Variants in CADM2 observed in about 807,000 individuals in gnomAD.
CADM2 encodes the protein immunoglobulin superfamily member 4D.
In CADM2, 12 loss-of-function variants were observed where a neutral mutation model predicts 49.8. The ratio of observed to expected loss-of-function variants is 0.24; its 90% CI spans 0.15 to 0.39. The LOEUF (loss-of-function observed/expected upper bound fraction) is 0.39, where lower values mean the gene tolerates loss of function less well. Among genes scored for constraint, CADM2 ranks in the 10% least tolerant of loss-of-function variants. The pLI, the probability that CADM2 is intolerant of heterozygous loss-of-function variation, is 1.00. For missense variants in CADM2, 378 were observed against 492.3 expected (o/e 0.77, Z 2.20); for synonymous variants, 214 against 175.4 (o/e 1.22, Z -1.74).
chr3:85,015,208 CCTTA>C (rs2034200188), intron 1 of CADM2, among the ~76,000 whole-genome samples: 1 of 151,746 alleles, frequency 6.6e-6, no homozygotes, highest in African/African-American at 2.4e-5. Context: ...TTTAATATTG[CCTTA>C]CTTAAGCCAG....
chr3:85,254,160 T>C (rs972228504), intron 1 of CADM2, among the ~76,000 whole-genome samples: 5 of 152,036 alleles, frequency 3.3e-5, no homozygotes, highest in Non-Finnish European at 4.4e-5. Context: ...CAGGGTAATA[T>C]TTACTTACAT....
intron 8 of CADM2, among the ~76,000 whole-genome samples, chr3:86,043,648 T>C (rs1736248233): frequency 1.3e-5 from 2 of 152,176 alleles, no homozygotes; most frequent in Admixed American, 6.5e-5. Flanking sequence ...AGGTAATTTG[T>C]AGATTCAATG....
At chr3:85,413,138 C>CAAAAAAAAAAAAAAAAAAA (rs397973777) in intron 1 of CADM2, among the ~76,000 whole-genome samples, 2 of 17,112 alleles carry the variant, frequency 1.2e-4, no homozygotes, top group African/African-American at 3.3e-4. Flanking sequence ...GACTCCGTCT[C>CAAAAAAAAAAAAAAAAAAA]AAAAAAAAAA....
chr3:85,116,913 A>C (rs2038659348), intron 1 of CADM2, among the ~76,000 whole-genome samples: 1 of 152,184 alleles, frequency 6.6e-6, no homozygotes, highest in Non-Finnish European at 1.5e-5. Context: ...AGATAATTTT[A>C]GGACACGGGC....
At chr3:85,749,068 G>GA (rs893932558) in intron 2 of CADM2, among the ~76,000 whole-genome samples, 127 of 151,762 alleles carry the variant, frequency 8.4e-4, no homozygotes, top group Admixed American at 4.4e-3. Flanking sequence ...AAATTCATGG[G>GA]AAAAAATATG....
chr3:85,932,221 C>T (rs1720692737), intron 6 of CADM2, among the ~76,000 whole-genome samples: 1 of 151,914 alleles, frequency 6.6e-6, no homozygotes, highest in Non-Finnish European at 1.5e-5. Context: ...AACGAGGTAT[C>T]GGGTGTATGT....
At chr3:85,387,789 A>C (rs1205859830) in intron 1 of CADM2, among the ~76,000 whole-genome samples, 2 of 152,148 alleles carry the variant, frequency 1.3e-5, no homozygotes, top group African/African-American at 4.8e-5. Flanking sequence ...TACATTTCTT[A>C]GTAATTGTGA....
intron 1 of CADM2, among the ~76,000 whole-genome samples, chr3:85,560,195 A>G (rs2062058441): frequency 6.6e-6 from 1 of 152,196 alleles, no homozygotes; most frequent in Admixed American, 6.5e-5. Flanking sequence ...TTTCAAAACT[A>G]AGCTGGTGAA....
chr3:85,446,625 G>A (rs1419144561), intron 1 of CADM2, among the ~76,000 whole-genome samples: 1 of 131,280 alleles, frequency 7.6e-6, no homozygotes. Context: ...TTTTTGAGAC[G>A]GAGTTTCATT....
intron 1 of CADM2, among the ~76,000 whole-genome samples, chr3:85,243,331 C>T (rs551366730): frequency 3.2e-4 from 49 of 151,476 alleles, no homozygotes; most frequent in African/African-American, 1.1e-3. Flanking sequence ...ATCTTTTTAC[C>T]CTGATGTATT....
Position 86,054,304 on chromosome 3 carries a change from A to G in CADM2, c.971-11301A>G, listed in dbSNP as rs781735709. 1.2e-4 allele frequency among the ~76,000 whole-genome samples: 19 copies of G among 152,252 alleles called. No homozygotes were observed. In the South Asian group the frequency reaches 1.5e-3, roughly 12 times the overall value. On this transcript the variant is annotated intron_variant, in intron 8 of 9. Transcript: ENST00000383699. ...CTCATAAACATAGTTAATATAACTTATAATTATCATCAGAATAATCAATTC... is the reference window on the plus strand; with the variant it reads ...CTCATAAACATAGTTAATATAACTTGTAATTATCATCAGAATAATCAATTC...
intron 8 of CADM2, chr3:85,994,773 C>T (rs917909421): frequency 2.0e-5 from 3 of 151,990 alleles, no homozygotes; most frequent in Admixed American, 2.0e-4. Context: ...AGAACAGACA[C>T]GTTTATCAAT....
chr3:84,972,412 AT>A (rs1191741120), intron 1 of CADM2, among the ~76,000 whole-genome samples: 1 of 152,186 alleles, frequency 6.6e-6, no homozygotes, highest in African/African-American at 2.4e-5. Flanking sequence ...ATGTAAACAG[AT>A]TTTTTATTGT....
At chr3:85,904,061 T>G (rs1489253388) in intron 5 of CADM2, among the ~76,000 whole-genome samples, 1 of 152,142 alleles carries the variant, frequency 6.6e-6, no homozygotes, top group Non-Finnish European at 1.5e-5. Context: ...CTTACTTGCT[T>G]TCTTCCAAAG....
At chr3:85,181,536 C>T (rs886288969) in intron 1 of CADM2, among the ~76,000 whole-genome samples, 4 of 151,974 alleles carry the variant, frequency 2.6e-5, no homozygotes, top group African/African-American at 9.7e-5. Context: ...GAGAATCTGC[C>T]ATGTAAATTG....
At chr3:85,786,748 A>G (rs1252359871) in intron 2 of CADM2, among the ~76,000 whole-genome samples, 1 of 152,044 alleles carries the variant, frequency 6.6e-6, no homozygotes, top group Non-Finnish European at 1.5e-5. Context: ...AGAGAATGAA[A>G]TATTATGTAT....
At chr3:85,030,044 T>C (rs1474374401) in intron 1 of CADM2, among the ~76,000 whole-genome samples, 1 of 152,188 alleles carries the variant, frequency 6.6e-6, no homozygotes, top group African/African-American at 2.4e-5. Flanking sequence ...TCTCACTTCC[T>C]CTGCTCCAGT....
intron 1 of CADM2, among the ~76,000 whole-genome samples, chr3:85,287,199 G>A (rs2043654287): frequency 6.6e-6 from 1 of 151,704 alleles, no homozygotes; most frequent in African/African-American, 2.4e-5. Context: ...TGCTGTTGAT[G>A]TTATTCCTGC....
rs1348741057 is a variant in CADM2 at position 85,651,844 on chromosome 3, G to C, written c.62-74678G>C. On this transcript the variant is annotated intron_variant, in intron 1 of 9. Coordinates refer to ENST00000383699, the MANE Select transcript of CADM2 (RefSeq NM_001167675.2). ...TTTCTTTTTTTTTTTTTGAGACAGA[G>C]TCACGCTCTGTCACCCAGACTGGAG... Among the ~76,000 whole-genome samples, 10 of 148,040 alleles carry C rather than the reference G, an allele frequency of 6.8e-5. No homozygotes were observed. In the East Asian group the frequency reaches 1.8e-3, roughly 26 times the overall value.
Sources: allele counts gnomAD v4.1 joint callset (sites outside exome capture counted in the v4.1 genomes callset), GRCh38; gene constraint gnomAD v4.1.1; transcripts MANE v1.5; gene names NCBI Gene and HGNC (gene_info 2026-07-23, HGNC 2026-07-21).